Variants in TMTC2 observed in about 807,000 individuals in gnomAD.
TMTC2 encodes the protein transmembrane O-mannosyltransferase targeting cadherins 2, also known as protein O-mannosyl-transferase TMTC2.
A neutral mutation model predicts 82.4 loss-of-function variants in TMTC2; 43 were observed. That is an observed-to-expected ratio of 0.52 (90% CI 0.41 to 0.67). The LOEUF is 0.67. TMTC2 is among the 30% of genes least tolerant of loss of function. TMTC2 has a pLI of 0.00. For synonymous variants in TMTC2, 408 were observed against 381.9 expected, an observed-to-expected ratio of 1.07 and a Z score of -0.80; for missense variants, 919 against 1,012.4, an observed-to-expected ratio of 0.91 and a Z score of 1.25.
intron 1 of TMTC2, among the ~76,000 whole-genome samples, chr12:82,847,207 A>C (rs1870735017): frequency 6.6e-6 from 1 of 152,220 alleles, no homozygotes; most frequent in South Asian, 2.1e-4. Flanking sequence ...TTATAGGTTA[A>C]GTGGCAAATG....
chr12:83,056,898 A>G lies in TMTC2; in HGVS notation c.2268-4870A>G, dbSNP rs534122581. Among the ~76,000 whole-genome samples the G allele has an allele frequency of 1.6e-4, 24 of 151,924 alleles. No homozygotes were observed. The South Asian group carries it at 4.8e-3, about 30-fold the overall frequency. Reference sequence around the variant, plus strand: ...TAACATGCAAGTGAACACCTGGGGAATGTTGTTAAAATGCATGCTATGATT... The same window carrying G: ...TAACATGCAAGTGAACACCTGGGGAGTGTTGTTAAAATGCATGCTATGATT... On this transcript the variant is annotated intron_variant, in intron 10 of 11. Coordinates refer to ENST00000321196, the MANE Select transcript of TMTC2 (RefSeq NM_152588.3).
chr12:83,066,644 A>C (rs997037494), intron 11 of TMTC2, among the ~76,000 whole-genome samples: 1 of 151,982 alleles, frequency 6.6e-6, no homozygotes. Context: ...TAGTATAGGC[A>C]TAAGGTAGTG....
rs369307520 is a variant in TMTC2 at position 83,030,824 on chromosome 12, C to A, written c.2097C>A (p.Leu699=). Reference sequence around the variant, plus strand: ...GTCGTAAGAGTGAGGCTGAAAAGCTCTTCTTGAAGGCTATTGAGCTGGATC... The same window carrying A: ...GTCGTAAGAGTGAGGCTGAAAAGCTATTCTTGAAGGCTATTGAGCTGGATC... ...LTGRKSEAEK[L]FLKAIELDPT... The change falls in exon 9 of 12, where the codon CTC becomes CTA. Residue 699 remains leucine (L), a synonymous_variant. Coordinates refer to ENST00000321196, the MANE Select transcript of TMTC2 (RefSeq NM_152588.3). 1 of 1,613,610 alleles carries A rather than the reference C, an allele frequency of 6.2e-7. No individual in the cohort carries two copies. The highest frequency in any genetic ancestry group is 1.3e-5 in the African/African-American group (1 of 75,024).
At chr12:83,033,878 A>G (rs934897663) in intron 9 of TMTC2, among the ~76,000 whole-genome samples, 1 of 122,198 alleles carries the variant, frequency 8.2e-6, no homozygotes, top group Non-Finnish European at 1.6e-5. Flanking sequence ...GTATATATAT[A>G]TATGTGTGTG....
intron 1 of TMTC2, among the ~76,000 whole-genome samples, chr12:82,795,932 G>T (rs565001437): frequency 1.3e-5 from 2 of 152,308 alleles, no homozygotes; most frequent in African/African-American, 4.8e-5. Context: ...ACATGATTAA[G>T]TGATTTCCAC....
chr12:83,081,490 A>G (rs1032864559), intron 11 of TMTC2, among the ~76,000 whole-genome samples: 2 of 152,214 alleles, frequency 1.3e-5, no homozygotes, highest in African/African-American at 2.4e-5. Context: ...CCTTTTTATT[A>G]CCAAATAAAA....
intron 2 of TMTC2, among the ~76,000 whole-genome samples, chr12:82,894,814 A>G (rs1054751759): frequency 4.6e-5 from 7 of 151,794 alleles, no homozygotes; most frequent in Admixed American, 1.3e-4. Flanking sequence ...TTTATTTTTT[A>G]TTTGAGTCGG....
At chr12:83,076,164 C>T (rs1280740296) in intron 11 of TMTC2, among the ~76,000 whole-genome samples, 1 of 152,130 alleles carries the variant, frequency 6.6e-6, no homozygotes, top group African/African-American at 2.4e-5. Context: ...TCATCACAAT[C>T]TACATGCAAT....
intron 1 of TMTC2, among the ~76,000 whole-genome samples, chr12:82,776,615 GAAA>G (rs750550745): frequency 0.028 from 2,475 of 87,332 alleles, 47 homozygotes; most frequent in African/African-American, 0.075. Flanking sequence ...TGTCTCTAAT[GAAA>G]AAAAAAAAAA....
intron 1 of TMTC2, among the ~76,000 whole-genome samples, chr12:82,701,747 A>G (rs1322933512): frequency 4.0e-5 from 6 of 151,218 alleles, no homozygotes; most frequent in Admixed American, 1.3e-4. Context: ...GGCAACGAGC[A>G]AAACTCCGTC....
intron 1 of TMTC2, among the ~76,000 whole-genome samples, chr12:82,692,596 A>G (rs1483187360): frequency 6.6e-6 from 1 of 152,192 alleles, no homozygotes; most frequent in Non-Finnish European, 1.5e-5. Context: ...CTTTCTTATA[A>G]CTTTATTATA....
intron 7 of TMTC2, among the ~76,000 whole-genome samples, chr12:82,969,857 G>C (rs1878372931): frequency 6.8e-6 from 1 of 147,056 alleles, no homozygotes; most frequent in Admixed American, 7.1e-5. Context: ...TCCTGAATTA[G>C]GTGAATTACA....
At chr12:82,964,741 A>C (rs1160389006) in intron 4 of TMTC2, among the ~76,000 whole-genome samples, 1 of 152,110 alleles carries the variant, frequency 6.6e-6, no homozygotes, top group African/African-American at 2.4e-5. Flanking sequence ...TTCTAGTGGG[A>C]GAGAAAAGAC....
intron 11 of TMTC2, among the ~76,000 whole-genome samples, chr12:83,099,054 C>A (rs1183849934): frequency 6.6e-6 from 1 of 152,120 alleles, no homozygotes; most frequent in East Asian, 1.9e-4. Context: ...AAGAGATATC[C>A]ATTTCTATTG....
At chr12:82,879,433 A>G (rs1872723681) in intron 2 of TMTC2, among the ~76,000 whole-genome samples, 1 of 152,190 alleles carries the variant, frequency 6.6e-6, no homozygotes, top group Non-Finnish European at 1.5e-5. Flanking sequence ...GCAGTTCACA[A>G]TAGGGTTCCA....
At chr12:82,918,747 C>CCT (rs768505977) in intron 3 of TMTC2, among the ~76,000 whole-genome samples, 76 of 129,176 alleles carry the variant, frequency 5.9e-4, no homozygotes, top group South Asian at 1.6e-3. Context: ...TCTTTCTCTC[C>CCT]CTCTCTCTCT....
chr12:82,831,635 A>G (rs953715779), intron 1 of TMTC2, among the ~76,000 whole-genome samples: 4 of 151,962 alleles, frequency 2.6e-5, no homozygotes, highest in Admixed American at 1.3e-4. Context: ...TTTTTCCTGA[A>G]ATTGTCTCTA....
intron 1 of TMTC2, among the ~76,000 whole-genome samples, chr12:82,779,217 C>T (rs141529489): frequency 7.4e-4 from 113 of 151,932 alleles, no homozygotes; most frequent in African/African-American, 2.7e-3. Flanking sequence ...TGAGCGTGTG[C>T]TAGGTGATGA....
At chr12:82,975,061 G>A (rs1038409485) in intron 7 of TMTC2, among the ~76,000 whole-genome samples, 1 of 152,144 alleles carries the variant, frequency 6.6e-6, no homozygotes, top group Non-Finnish European at 1.5e-5. Flanking sequence ...AGAGAGGTGG[G>A]AGACAGGAGA....
Sources: gnomAD v4.1 joint callset for allele counts (sites outside exome capture counted in the v4.1 genomes callset) on GRCh38, gnomAD v4.1.1 for gene constraint, MANE v1.5 for transcripts, NCBI Gene and HGNC (gene_info 2026-07-23, HGNC 2026-07-21) for gene names.